Variants in GPHN observed in about 807,000 individuals in gnomAD.
The protein encoded by GPHN is gephyrin.
GPHN carries 17 observed loss-of-function variants against 95.5 expected under a neutral mutation model. The observed-to-expected ratio is 0.18, with a 90% CI of 0.12 to 0.27. The LOEUF (loss-of-function observed/expected upper bound fraction) is 0.27. Ranked by LOEUF, GPHN falls within the 10% of genes least tolerant of loss-of-function variation. The pLI, the probability that GPHN is intolerant of heterozygous loss-of-function variation, is 1.00. For synonymous variants in GPHN, 320 were observed against 322.5 expected (o/e 0.99, Z 0.08); for missense variants, 660 against 978.1 (o/e 0.67, Z 4.34).
At chr14:67,684,864 C>A in the GPHN span, 2 of 530,992 alleles carry the variant, frequency 3.8e-6, no homozygotes, top group Non-Finnish European at 6.5e-6. Flanking sequence ...AAAAGAGAGT[C>A]AAATTCCCCT....
At chr14:67,128,868 G>C (rs1281528793) in intron 17 of GPHN, among the ~76,000 whole-genome samples, 1 of 150,762 alleles carries the variant, frequency 6.6e-6, no homozygotes, top group Non-Finnish European at 1.5e-5. Context: ...ACACTGGAGT[G>C]CAATGGTGCG....
At chr14:66,693,559 A>G (rs538963484) in intron 2 of GPHN, among the ~76,000 whole-genome samples, 1 of 128,148 alleles carries the variant, frequency 7.8e-6, no homozygotes, top group South Asian at 2.4e-4. Flanking sequence ...ATGTCTTAGG[A>G]CAAGAGAAAT....
intron 9 of GPHN, 121 bp downstream of exon 9, chr14:66,965,446 A>T: frequency 2.1e-6 from 2 of 936,008 alleles, no homozygotes; most frequent in Non-Finnish European, 3.5e-6. Flanking sequence ...TGAAAAATGA[A>T]TAAAGTGTAA....
At chr14:66,788,530 A>G (rs889485758) in intron 3 of GPHN, among the ~76,000 whole-genome samples, 1 of 152,256 alleles carries the variant, frequency 6.6e-6, no homozygotes, top group African/African-American at 2.4e-5. Context: ...AAATGCAGCT[A>G]AAAGAAAGCT....
At chr14:67,248,539 T>A in the GPHN span, among the ~76,000 whole-genome samples, 1 of 152,220 alleles carries the variant, frequency 6.6e-6, no homozygotes, top group Non-Finnish European at 1.5e-5. Flanking sequence ...CATATAATTT[T>A]ATAGTTTCTT....
chr14:67,299,214 C>T, the GPHN span, among the ~76,000 whole-genome samples: 2 of 152,034 alleles, frequency 1.3e-5, no homozygotes, highest in African/African-American at 2.4e-5. Context: ...GTGAAATATC[C>T]GGTTAGATCT....
At chr14:66,623,656 G>C (rs2063405400) in intron 1 of GPHN, among the ~76,000 whole-genome samples, 1 of 149,042 alleles carries the variant, frequency 6.7e-6, no homozygotes, top group Non-Finnish European at 1.5e-5. Context: ...CATGCTTATT[G>C]GTGTATGTGC....
intron 9 of GPHN, among the ~76,000 whole-genome samples, chr14:66,977,613 T>C (rs2070345329): frequency 6.6e-6 from 1 of 152,108 alleles, no homozygotes; most frequent in South Asian, 2.1e-4. Context: ...AGTACACACA[T>C]ATATAAGTTA....
At chr14:66,518,731 A>G (rs927019759) in intron 1 of GPHN, among the ~76,000 whole-genome samples, 30 of 152,164 alleles carry the variant, frequency 2.0e-4, no homozygotes, top group Admixed American at 1.8e-3. Flanking sequence ...TAAGCCAGGA[A>G]TGGAAAGTTA....
chr14:67,085,036 C>A (rs918602980), intron 11 of GPHN, among the ~76,000 whole-genome samples: 1 of 152,206 alleles, frequency 6.6e-6, no homozygotes, highest in Admixed American at 6.5e-5. Context: ...TTTTAGCCTA[C>A]TAAAGTTTTG....
At chr14:67,728,382 G>C in the GPHN span, among the ~76,000 whole-genome samples, 3 of 152,152 alleles carry the variant, frequency 2.0e-5, no homozygotes, top group African/African-American at 7.2e-5. Flanking sequence ...AATATGAAAA[G>C]ACAGGCACTG....
intron 1 of GPHN, among the ~76,000 whole-genome samples, chr14:66,548,362 G>GT (rs1376559058): frequency 6.6e-6 from 1 of 151,714 alleles, no homozygotes; most frequent in African/African-American, 2.4e-5. Context: ...TGTATTTTTA[G>GT]TAGAGATGGG....
At chr14:67,268,757 G>A in the GPHN span, among the ~76,000 whole-genome samples, 1 of 152,088 alleles carries the variant, frequency 6.6e-6, no homozygotes, top group Non-Finnish European at 1.5e-5. Context: ...TTGTCAGCAG[G>A]GCCTTTGTGA....
chr14:66,560,741 C>T (rs1296346426), intron 1 of GPHN, among the ~76,000 whole-genome samples: 2 of 152,114 alleles, frequency 1.3e-5, no homozygotes, highest in South Asian at 2.1e-4. Context: ...ATTTCCTTCT[C>T]CTGCCTGATT....
At chr14:66,826,738 G>A (rs543501859) in intron 4 of GPHN, among the ~76,000 whole-genome samples, 34 of 152,262 alleles carry the variant, frequency 2.2e-4, no homozygotes, top group African/African-American at 7.9e-4. Context: ...GGGGCAAGGA[G>A]GTTCCATCCC....
the GPHN span, among the ~76,000 whole-genome samples, chr14:67,311,585 G>A: frequency 6.6e-6 from 1 of 152,126 alleles, no homozygotes; most frequent in East Asian, 1.9e-4. Flanking sequence ...GGAAATTAAA[G>A]AGAATTTTAA....
the GPHN span, among the ~76,000 whole-genome samples, chr14:67,326,001 A>AT: frequency 6.0e-5 from 4 of 66,318 alleles, no homozygotes; most frequent in Middle Eastern, 0.011. Context: ...TTTTTTTTGT[A>AT]TTTTTAGTAG....
intron 1 of GPHN, among the ~76,000 whole-genome samples, chr14:66,533,002 C>G (rs1199375079): frequency 6.6e-6 from 1 of 152,226 alleles, no homozygotes; most frequent in Non-Finnish European, 1.5e-5. Context: ...TTGGCAGGAA[C>G]AGGATCAGTT....
intron 3 of GPHN, among the ~76,000 whole-genome samples, chr14:66,792,820 T>C (rs1243630830): frequency 6.6e-6 from 1 of 152,172 alleles, no homozygotes; most frequent in East Asian, 1.9e-4. Context: ...TGAACAGAGA[T>C]TTACCTATGT....
Sources: allele counts gnomAD v4.1 joint callset (sites outside exome capture counted in the v4.1 genomes callset), GRCh38; gene constraint gnomAD v4.1.1; transcripts MANE v1.5; gene names NCBI Gene and HGNC (gene_info 2026-07-23, HGNC 2026-07-21).